Variants in PLBD2 observed in about 807,000 individuals in gnomAD.
PLBD2 encodes the protein phospholipase B domain containing 2.
A neutral mutation model predicts 68.3 loss-of-function variants in PLBD2; 51 were observed. The observed-to-expected ratio is 0.75, with a 90% confidence interval of 0.60 to 0.94. The LOEUF (loss-of-function observed/expected upper bound fraction) is 0.94. PLBD2 is among the 40% of genes least tolerant of loss of function. The pLI is 0.00. For synonymous variants in PLBD2, 314 were observed against 339.3 expected (o/e 0.93, Z 0.82); for missense variants, 729 against 792.2 (o/e 0.92, Z 0.96).
intron 2 of PLBD2, among the ~76,000 whole-genome samples, chr12:113,369,530 C>T (rs1034977391): frequency 2.0e-5 from 3 of 152,118 alleles, no homozygotes; most frequent in Non-Finnish European, 2.9e-5. Context: ...AGGCACAACT[C>T]GAATGCCCAG....
chr12:113,369,339 A>AG lies in PLBD2; in HGVS notation c.384+131dup, dbSNP rs775256117. ...GCCACAGCCCTTCATCTATCTGGGG[A>AG]GAAAAAGTGGACATGCATTCTTTAG... On this transcript the variant is annotated intron_variant, in intron 2 of 11. Transcript: ENST00000280800. The AG allele has an allele frequency of 2.1e-4, 135 of 650,748 alleles. 1 individual carries two copies. In the East Asian group the frequency reaches 4.0e-3, roughly 19 times the overall value. The allele number at this position is 650,748 out of a possible 1,614,324, so 40.3% of individuals were successfully genotyped here.
chr12:113,369,032 G>T, intron 1 of PLBD2, 84 bp from the exon 2 acceptor site: 1 of 891,928 alleles, frequency 1.1e-6, no homozygotes. Context: ...CCACTGTGTT[G>T]TTTTCATAGT....
At position 113,372,783 on chromosome 12, in the gene PLBD2, C is replaced by A; in HGVS notation, c.519C>A (p.Asn173Lys). ...GGATGCAGGAAGAGATGGAGTCAAA[C>A]CCAGACTCACCTTACTGGCACCAGG... ...LEWMQEEMES[N>K]PDSPYWHQVR... Residue 173 changes from asparagine (N) to lysine (K), a missense_variant, in exon 3 of 12, where the codon AAC (asparagine) becomes AAA (lysine). Asn to Lys is a moderately conservative substitution (Grantham distance 94). Transcript: ENST00000280800. This position sits in a 1 kb window ranked among gnomAD's most constrained non-coding sequence, Gnocchi z 4.2. 2 of 1,613,698 alleles carry A rather than the reference C, an allele frequency of 1.2e-6. No individual in the cohort carries two copies. The highest frequency in any genetic ancestry group is 2.2e-5 in the South Asian group (2 of 91,086).
intron 1 of PLBD2, among the ~76,000 whole-genome samples, chr12:113,365,539 C>T (rs991287075): frequency 9.2e-5 from 14 of 152,080 alleles, no homozygotes; most frequent in Admixed American, 6.6e-5. Flanking sequence ...GTCTCAAACT[C>T]CTGACCTCAA....
chr12:113,366,774 A>G (rs1047359322), intron 1 of PLBD2, among the ~76,000 whole-genome samples: 1 of 122,028 alleles, frequency 8.2e-6, no homozygotes, highest in African/African-American at 3.2e-5. Context: ...GCCTCTCCCC[A>G]CTCCCCTCCT....
rs749200600 is a variant in PLBD2 at position 113,358,645 on chromosome 12, G to A, written c.45G>A (p.Arg15=). 6.8e-7 allele frequency: 1 copy of A among 1,464,090 alleles called. No homozygotes were observed. The highest frequency in any genetic ancestry group is 1.3e-5 in the South Asian group (1 of 75,388). The allele number at this position is 1,464,090 out of a possible 1,614,324, so 90.7% of individuals were successfully genotyped here. ...GCTACCCCGGCAGCCACCTGGCCCG[G>A]GCGCTGACGCGGGCGCTGGCGCTGG... ...MYCYPGSHLA[R]ALTRALALAL... Residue 15 remains arginine, a synonymous_variant, in exon 1 of 12, where the codon CGG becomes CGA. Transcript: ENST00000280800.
Position 113,379,481 on chromosome 12 carries a change from C to G in PLBD2, c.860-1264C>G, listed in dbSNP as rs561252760. Among the ~76,000 whole-genome samples the G allele has an allele frequency of 2.0e-5, 3 of 152,246 alleles. No individual in the cohort carries two copies. In the South Asian group the frequency reaches 6.2e-4, roughly 32 times the overall value. Reference sequence around the variant, plus strand: ...CTCAGATTGCCTTATCTGCAAAGTGCAGATGATAATTCTCTGCCCCCATGC... The same window carrying G: ...CTCAGATTGCCTTATCTGCAAAGTGGAGATGATAATTCTCTGCCCCCATGC... On this transcript the variant is annotated intron_variant, in intron 5 of 11. Transcript: ENST00000280800.
chr12:113,379,771 C>T (rs1002796407), intron 5 of PLBD2, among the ~76,000 whole-genome samples: 1 of 151,758 alleles, frequency 6.6e-6, no homozygotes, highest in East Asian at 1.9e-4. Context: ...GAGATCGCCC[C>T]ATTGCACTCC....
Position 113,388,550 on chromosome 12 carries a change from C to A in PLBD2, c.1694C>A (p.Ser565Ter). Residue 565 changes from serine to a stop codon, truncating the protein, a stop_gained, in exon 12 of 12, where the codon TCG becomes TAG. Transcript: ENST00000280800. LOFTEE classifies it high-confidence loss of function. The stretch of plus-strand genomic sequence containing the variant: ...GTGCCCCCGTTCCAGTGGAGCACCT[C>A]GCCCTTCAGCGGCCTGCTGCACATG... Reference protein sequence around the residue: ...DQVPPFQWSTSPFSGLLHMGQ... With the variant: ...DQVPPFQWST The A allele has an allele frequency of 1.2e-6, 2 of 1,611,160 alleles. 1 individual carries two copies. Among genetic ancestry groups the A allele is most frequent in the South Asian group, 2.2e-5 (2 of 90,862 alleles).
At chr12:113,387,720 T>G in intron 10 of PLBD2, 24 bp from the exon 11 acceptor site, 1 of 1,608,330 alleles carries the variant, frequency 6.2e-7, no homozygotes, top group South Asian at 1.1e-5. Context: ...GGATGACTGA[T>G]GTTCCCTCCT....
chr12:113,380,914 G>C, intron 6 of PLBD2, 72 bp downstream of exon 6: 2 of 1,394,096 alleles, frequency 1.4e-6, no homozygotes, highest in African/African-American at 1.4e-5. Context: ...TGGCAGGATT[G>C]ATTCCTGCGG....
At chr12:113,377,451 A>C (rs1333496845) in intron 5 of PLBD2, among the ~76,000 whole-genome samples, 1 of 152,078 alleles carries the variant, frequency 6.6e-6, no homozygotes, top group East Asian at 1.9e-4. Context: ...GTTTTTAAAC[A>C]GTCTTGCTCT....
chr12:113,385,246 C>G lies in PLBD2; in HGVS notation c.1249C>G (p.Leu417Val). 1.9e-6 allele frequency: 3 copies of G among 1,614,178 alleles called. No individual in the cohort carries two copies. The highest frequency in any genetic ancestry group is 2.5e-6 in the Non-Finnish European group (3 of 1,180,014). ...MVVVADKTSELYQKTYWASYN... is the reference protein window; with the variant it reads ...MVVVADKTSEVYQKTYWASYN... ...GGTGGTGGCTGACAAGACCTCGGAG[C>G]TCTACCAGAAGACCTACTGGGCCAG... Residue 417 changes from leucine to valine, a missense_variant, in exon 9 of 12, where the codon CTC (leucine) becomes GTC (valine). Coordinates refer to ENST00000280800, the MANE Select transcript of PLBD2 (RefSeq NM_173542.4).
intron 6 of PLBD2, among the ~76,000 whole-genome samples, chr12:113,382,881 T>TG (rs1957509611): frequency 7.1e-6 from 1 of 141,622 alleles, no homozygotes; most frequent in East Asian, 2.0e-4. Context: ...TTTTTTTTTT[T>TG]TTTTTTTTTA....
intron 11 of PLBD2, 75 bp from the exon 12 acceptor site, chr12:113,388,384 C>G: frequency 1.4e-6 from 2 of 1,391,268 alleles, no homozygotes; most frequent in Non-Finnish European, 1.9e-6. Flanking sequence ...GGGTCAAGGT[C>G]AGGGTGGGAG....
Position 113,374,936 on chromosome 12 carries a change from C to G in PLBD2, c.788C>G (p.Thr263Ser). 6.2e-7 allele frequency: 1 copy of G among 1,614,178 alleles called. No individual in the cohort carries two copies. Among genetic ancestry groups the G allele is most frequent in the Non-Finnish European group, 8.5e-7 (1 of 1,180,030 alleles). The change falls in exon 5 of 12, where the codon ACC becomes AGC. Residue 263 changes from threonine to serine, a missense_variant. Thr to Ser is a moderately conservative substitution (Grantham distance 58). Transcript: ENST00000280800. ...GQSDLLVAHN[T>S]WNNYQHMLRV... ...AGTGACCTCCTGGTTGCCCACAACA[C>G]CTGGAACAACTACCAGCACATGCTG...
rs530255802 is a variant in PLBD2, at chr12:113,358,693, C to T, written c.93C>T (p.Val31=). ...LALALVLALL[V]GPFLSGLAGA... ...TGGCCCTGGTGCTGGCCCTGCTGGTCGGGCCGTTCCTGAGCGGCCTGGCGG... is the reference window on the plus strand; with the variant it reads ...TGGCCCTGGTGCTGGCCCTGCTGGTTGGGCCGTTCCTGAGCGGCCTGGCGG... The change falls in exon 1 of 12, where the codon GTC becomes GTT. Residue 31 remains valine, a synonymous_variant. Coordinates refer to ENST00000280800, the MANE Select transcript of PLBD2 (RefSeq NM_173542.4). The T allele has an allele frequency of 2.0e-5, 29 of 1,416,984 alleles. No homozygotes were observed. In the African/African-American group the frequency reaches 2.7e-4, roughly 13 times the overall value. 87.8% of individuals were successfully genotyped at this position (1,416,984 alleles called of 1,614,324 possible).
At chr12:113,375,092 A>T (rs1360006737) in intron 5 of PLBD2, 85 bp downstream of exon 5, 3 of 1,248,606 alleles carry the variant, frequency 2.4e-6, no homozygotes. Context: ...TGGGCCTTGG[A>T]AACCCTCCCA....
intron 1 of PLBD2, among the ~76,000 whole-genome samples, chr12:113,363,722 A>G (rs1283684052): frequency 6.6e-6 from 1 of 151,952 alleles, no homozygotes; most frequent in Non-Finnish European, 1.5e-5. Context: ...TATTTTTAGT[A>G]GAGACGGGGT....
Sources: gnomAD v4.1 joint callset for allele counts (sites outside exome capture counted in the v4.1 genomes callset) on GRCh38, gnomAD v4.1.1 for gene constraint, Gnocchi (gnomAD v3.1) non-coding constraint, MANE v1.5 for transcripts, NCBI Gene and HGNC (gene_info 2026-07-23, HGNC 2026-07-21) for gene names.